The following DR1 variants were observed in gnomAD, a reference collection of about 807,000 sequenced individuals.
The protein encoded by DR1 is protein Dr1.
In DR1, 7 loss-of-function variants were observed where a neutral mutation model predicts 19.9. That is an observed-to-expected ratio of 0.35 (90% CI 0.20 to 0.66). DR1 has a LOEUF of 0.66. DR1 is among the 30% of genes least tolerant of loss of function. The pLI, the probability that DR1 is intolerant of heterozygous loss-of-function variation, is 0.66. For synonymous variants in DR1, 76 were observed against 72.5 expected, an observed-to-expected ratio of 1.05 and a Z score of -0.24; for missense variants, 98 against 203.7, an observed-to-expected ratio of 0.48 and a Z score of 3.16.
At chr1:93,351,754 G>A (rs1434290322) in intron 1 of DR1, among the ~76,000 whole-genome samples, 1 of 152,098 alleles carries the variant, frequency 6.6e-6, no homozygotes, top group Non-Finnish European at 1.5e-5. Context: ...TATCCTTAAT[G>A]TCTAGTATAG....
At chr1:93,350,581 C>A (rs1039259649) in intron 1 of DR1, among the ~76,000 whole-genome samples, 1 of 152,040 alleles carries the variant, frequency 6.6e-6, no homozygotes, top group Admixed American at 6.6e-5. Context: ...TTCAGGAGTA[C>A]ATCACTTTGT....
chr1:93,360,655 T>C lies in DR1; in HGVS notation c.*16T>C. The C allele has an allele frequency of 1.3e-6, 2 of 1,580,560 alleles. No homozygotes were observed. The highest frequency in any genetic ancestry group is 2.0e-5 in the Admixed American group (1 of 50,714). ...TGATATCTGAAATTCACCAGCTGAG[T>C]TTCTATTTCTTCTATAAATGTTTTT... is the stretch of plus-strand genomic sequence containing the variant. On this transcript the variant is annotated 3_prime_UTR_variant, in exon 3 of 3. Transcript: ENST00000370272.
At chr1:93,357,215 G>A (rs928654689) in intron 2 of DR1, among the ~76,000 whole-genome samples, 1 of 152,112 alleles carries the variant, frequency 6.6e-6, no homozygotes, top group African/African-American at 2.4e-5. Context: ...TACTGTAAAA[G>A]TTGTCTTATC....
intron 2 of DR1, among the ~76,000 whole-genome samples, chr1:93,357,364 A>G (rs1667001357): frequency 6.6e-6 from 1 of 152,066 alleles, no homozygotes; most frequent in Non-Finnish European, 1.5e-5. Flanking sequence ...TTACCCACCA[A>G]GCAAGGTGGC....
intron 1 of DR1, among the ~76,000 whole-genome samples, chr1:93,350,882 G>T (rs964883969): frequency 3.9e-5 from 6 of 152,080 alleles, no homozygotes; most frequent in Non-Finnish European, 7.4e-5. Flanking sequence ...AGTCCATAAG[G>T]TCTCTGTACA....
rs747894027 is a variant in DR1, at chr1:93,346,457, A to C, written c.-189A>C. ...CCCACTTTCTTCCCAAACTCATCCT[A>C]AATCTCTCACACACGCGAGTGTTCC... On this transcript the variant is annotated 5_prime_UTR_variant, in exon 1 of 3. Coordinates refer to ENST00000370272, the MANE Select transcript of DR1 (RefSeq NM_001938.3). 1.7e-6 allele frequency: 1 copy of C among 598,576 alleles called. No individual in the cohort carries two copies. Among genetic ancestry groups the C allele is most frequent in the Non-Finnish European group, 3.0e-6 (1 of 337,766 alleles). 37.1% of individuals were successfully genotyped at this position (598,576 alleles called of 1,614,324 possible). A position where few individuals can be genotyped will look rare whatever the true frequency, so the allele number is the denominator to read the frequency against.
rs1667054076 is a variant in DR1, at chr1:93,361,659, C to T, written c.*1020C>T. The T allele has an allele frequency of 6.6e-6, 1 of 152,166 alleles. No homozygotes were observed. Among genetic ancestry groups the T allele is most frequent in the Non-Finnish European group, 1.5e-5 (1 of 67,836 alleles). 9.4% of individuals were successfully genotyped at this position (152,166 alleles called of 1,614,324 possible). ...TTTCCCAACTAGATGGCCTAGAGTC[C>T]AACATTACCTTTTGAGATGACATTA... On this transcript the variant is annotated 3_prime_UTR_variant, in exon 3 of 3. Transcript: ENST00000370272.
At chr1:93,358,840 ATC>A (rs1449910916) in intron 2 of DR1, among the ~76,000 whole-genome samples, 2 of 152,162 alleles carry the variant, frequency 1.3e-5, no homozygotes, top group Non-Finnish European at 2.9e-5. Flanking sequence ...TGTGACATCT[ATC>A]TCTTGATTAT....
chr1:93,346,086 A>AGCAGCGGCAGCG lies in DR1; in HGVS notation c.-545_-534dup, dbSNP rs969513832. On this transcript the variant is annotated 5_prime_UTR_variant, in exon 1 of 3. Coordinates refer to ENST00000370272, the MANE Select transcript of DR1 (RefSeq NM_001938.3). ...GTTCCCAGGCGGCCGTCGCCGTTCC[A>AGCAGCGGCAGCG]GCAGCGGCAGCGGCAGCGGCAGCGG... is the stretch of plus-strand genomic sequence containing the variant. 30 of 210,186 alleles carry AGCAGCGGCAGCG rather than the reference A, an allele frequency of 1.4e-4. No homozygotes were observed. The highest frequency in any genetic ancestry group is 6.8e-4 in the East Asian group (4 of 5,852). 13.0% of individuals were successfully genotyped at this position (210,186 alleles called of 1,614,324 possible). A position where few individuals can be genotyped will look rare whatever the true frequency, so the allele number is the denominator to read the frequency against.
Position 93,365,619 on chromosome 1 carries a change from C to G in DR1, c.*4980C>G, listed in dbSNP as rs1229811626. 1 of 152,218 alleles carries G rather than the reference C, an allele frequency of 6.6e-6. No individual in the cohort carries two copies. The highest frequency in any genetic ancestry group is 1.5e-5 in the Non-Finnish European group (1 of 68,048). 9.4% of individuals were successfully genotyped at this position (152,218 alleles called of 1,614,324 possible). A position where few individuals can be genotyped will look rare whatever the true frequency, so the allele number is the denominator to read the frequency against. On this transcript the variant is annotated 3_prime_UTR_variant, in exon 3 of 3. Coordinates refer to ENST00000370272, the MANE Select transcript of DR1 (RefSeq NM_001938.3). ...TAGGATAAGACACTTGAGGGAAAGGCTGTGAAACTGAACCTCTGTTAGAAG... is the reference window on the plus strand; with the variant it reads ...TAGGATAAGACACTTGAGGGAAAGGGTGTGAAACTGAACCTCTGTTAGAAG...
intron 1 of DR1, 68 bp from the exon 2 acceptor site, chr1:93,353,840 A>T: frequency 7.7e-7 from 1 of 1,304,544 alleles, no homozygotes; most frequent in Non-Finnish European, 1.0e-6. Context: ...CAAAAACTTT[A>T]GGTCTACGGG....
At chr1:93,346,960 C>T in intron 1 of DR1, 95 bp downstream of exon 1, 2 of 1,117,884 alleles carry the variant, frequency 1.8e-6, no homozygotes, top group East Asian at 2.6e-5. Flanking sequence ...ATTCCTCTTC[C>T]CTGGTAAGTA....
At chr1:93,349,684 C>T (rs1220273330) in intron 1 of DR1, among the ~76,000 whole-genome samples, 1 of 152,040 alleles carries the variant, frequency 6.6e-6, no homozygotes, top group Non-Finnish European at 1.5e-5. Flanking sequence ...GCGTCTTCAG[C>T]TGTTGAGTTG....
At position 93,364,842 on chromosome 1, in the gene DR1, C is replaced by CTTTCTTTTTTTT. The variant is rs1667098890; in HGVS notation, c.*4206_*4207insCTTTTTTTTTTT. 2 of 79,762 alleles carry CTTTCTTTTTTTT rather than the reference C, an allele frequency of 2.5e-5. No homozygotes were observed. The highest frequency in any genetic ancestry group is 8.4e-5 in the African/African-American group (2 of 23,750). 4.9% of individuals were successfully genotyped at this position (79,762 alleles called of 1,614,324 possible). ...ATGTTTCCTTTTTCTTTTTTCTTTT[C>CTTTCTTTTTTTT]TTTTCTTTCTTTTTTTTTTTTTTTT... On this transcript the variant is annotated 3_prime_UTR_variant, in exon 3 of 3. Transcript: ENST00000370272.
Position 93,366,859 on chromosome 1 carries a change from AG to A in DR1, c.*6221del, listed in dbSNP as rs1667169546. 6.6e-6 allele frequency: 1 copy of A among 152,100 alleles called. No homozygotes were observed. The highest frequency in any genetic ancestry group is 1.5e-5 in the Non-Finnish European group (1 of 68,036). 9.4% of individuals were successfully genotyped at this position (152,100 alleles called of 1,614,324 possible). The stretch of plus-strand genomic sequence containing the variant: ...CTACAGAAAAATTCAAAAATTAGCC[AG>A]AGGTGGTGGCTTGCACCTGTAGTCC... On this transcript the variant is annotated 3_prime_UTR_variant, in exon 3 of 3. Coordinates refer to ENST00000370272, the MANE Select transcript of DR1 (RefSeq NM_001938.3).
At chr1:93,348,275 A>G (rs555311965) in intron 1 of DR1, among the ~76,000 whole-genome samples, 112 of 151,000 alleles carry the variant, frequency 7.4e-4, no homozygotes, top group African/African-American at 2.2e-3. Context: ...CAAGTTGTCT[A>G]TTTTTTCCCT....
At chr1:93,359,265 T>C (rs921957404) in intron 2 of DR1, among the ~76,000 whole-genome samples, 4 of 152,222 alleles carry the variant, frequency 2.6e-5, no homozygotes, top group African/African-American at 9.6e-5. Context: ...TAAATGTTAC[T>C]GGTTATGCTG....
At position 93,353,890 on chromosome 1, in the gene DR1, A is replaced by G; in HGVS notation, c.221-18A>G. 2.5e-6 allele frequency: 4 copies of G among 1,577,812 alleles called. No individual in the cohort carries two copies. In the South Asian group the frequency reaches 4.7e-5, roughly 19 times the overall value. On this transcript the variant is annotated intron_variant, in intron 1 of 2. Transcript: ENST00000370272. The stretch of plus-strand genomic sequence containing the variant: ...TGTTTTATCACCCTTTCATATTTTA[A>G]TATTTTCATTTCTCTAGCACTAGAA...
Position 93,360,688 on chromosome 1 carries a change from C to A in DR1, c.*49C>A. The A allele has an allele frequency of 6.5e-7, 1 of 1,548,144 alleles. No individual in the cohort carries two copies. Among genetic ancestry groups the A allele is most frequent in the Non-Finnish European group, 8.7e-7 (1 of 1,155,184 alleles). On this transcript the variant is annotated 3_prime_UTR_variant, in exon 3 of 3. Transcript: ENST00000370272. ...TCTTCTATAAATGTTTTTCCCTGCA[C>A]AACAAAAACAGTGAAAGAAATGCTT...
Sources: gnomAD v4.1 joint callset for allele counts (sites outside exome capture counted in the v4.1 genomes callset) on GRCh38, gnomAD v4.1.1 for gene constraint, MANE v1.5 for transcripts, NCBI Gene and HGNC (gene_info 2026-07-23, HGNC 2026-07-21) for gene names.